The following MYO3A variants were observed in gnomAD, a reference collection of about 807,000 sequenced individuals.
The protein encoded by MYO3A is myosin-IIIa.
MYO3A carries 180 observed loss-of-function variants against 192.7 expected under a neutral mutation model. The ratio of observed to expected loss-of-function variants is 0.93; its 90% CI spans 0.83 to 1.06. The LOEUF (loss-of-function observed/expected upper bound fraction) is 1.06, where lower values mean the gene tolerates loss of function less well. Among genes scored for constraint, MYO3A ranks in the 50% least tolerant of loss-of-function variants. The pLI is 0.00. For missense variants in MYO3A, 1,896 were observed against 1,905.0 expected (o/e 1.00, Z 0.09); for synonymous variants, 628 against 645.3 (o/e 0.97, Z 0.41).
intron 31 of MYO3A, among the ~76,000 whole-genome samples, chr10:26,190,627 A>G (rs539850879): frequency 1.3e-5 from 2 of 152,350 alleles, no homozygotes; most frequent in African/African-American, 2.4e-5. Context: ...CTGGGAATAC[A>G]AAGAAAAATA....
chr10:26,047,792 AGAAAG>A (rs1031929932), intron 10 of MYO3A, among the ~76,000 whole-genome samples: 1 of 152,090 alleles, frequency 6.6e-6, no homozygotes, highest in Non-Finnish European at 1.5e-5. Context: ...AAATTAAAAA[AGAAAG>A]AAAAGACACA....
At chr10:26,050,911 C>A (rs866605777) in intron 10 of MYO3A, among the ~76,000 whole-genome samples, 2 of 152,136 alleles carry the variant, frequency 1.3e-5, no homozygotes. Flanking sequence ...TAGGATTGTG[C>A]CTGTTGTCCA....
Position 26,008,417 on chromosome 10 carries a change from A to C in MYO3A, c.509-8403A>C, listed in dbSNP as rs201153254. ...TTAAACTAAAGAGCTTCTGCACAGC[A>C]AAAGAAACTACCATCAGAGTGAACA... On this transcript the variant is annotated intron_variant, in intron 6 of 34. Transcript: ENST00000642920. Among the ~76,000 whole-genome samples the C allele has an allele frequency of 3.4e-3, 506 of 148,824 alleles. 14 individuals carry two copies. The East Asian group carries it at 0.09, about 27-fold the overall frequency.
At chr10:26,053,461 G>A (rs1371454720) in intron 10 of MYO3A, among the ~76,000 whole-genome samples, 1 of 152,114 alleles carries the variant, frequency 6.6e-6, no homozygotes. Context: ...CATACTTATT[G>A]GAAGACCCAG....
chr10:25,963,676 G>A (rs1189450049), intron 4 of MYO3A, among the ~76,000 whole-genome samples: 1 of 152,128 alleles, frequency 6.6e-6, no homozygotes, highest in Non-Finnish European at 1.5e-5. Flanking sequence ...TTCCTTTCAT[G>A]TTCTTAAGGC....
At chr10:25,942,216 G>A (rs1338370462) in intron 2 of MYO3A, among the ~76,000 whole-genome samples, 1 of 151,968 alleles carries the variant, frequency 6.6e-6, no homozygotes, top group African/African-American at 2.4e-5. Context: ...TGGCCAGGCC[G>A]GTCTTGAACT....
intron 6 of MYO3A, among the ~76,000 whole-genome samples, chr10:26,007,971 G>A (rs545731189): frequency 6.6e-6 from 1 of 151,784 alleles, no homozygotes; most frequent in Admixed American, 6.6e-5. Context: ...CACACTACCT[G>A]ACTTCAAACT....
chr10:26,065,200 T>A (rs1380760610), intron 10 of MYO3A, among the ~76,000 whole-genome samples: 1 of 152,166 alleles, frequency 6.6e-6, no homozygotes, highest in Middle Eastern at 3.2e-3. Flanking sequence ...AATGAGGACT[T>A]AAAATTGACC....
At chr10:26,176,571 C>T in intron 30 of MYO3A, 130 bp from the exon 31 acceptor site, 1 of 782,052 alleles carries the variant, frequency 1.3e-6, no homozygotes, top group Non-Finnish European at 2.1e-6. Flanking sequence ...GTGCAAGGGA[C>T]AGGGTGGGCC....
intron 17 of MYO3A, among the ~76,000 whole-genome samples, chr10:26,114,944 C>G (rs1467584711): frequency 6.6e-6 from 1 of 152,158 alleles, no homozygotes; most frequent in Admixed American, 6.5e-5. Context: ...AAAAAAAGAA[C>G]AGCATAAGCC....
In MYO3A at chr10:26,086,316, C is replaced by T. The variant is rs142057159; in HGVS notation, c.1360-1887C>T. 3.4e-3 allele frequency among the ~76,000 whole-genome samples: 523 copies of T among 152,150 alleles called. 2 individuals are homozygous for T. The highest frequency in any genetic ancestry group is 0.012 in the African/African-American group (496 of 41,494). On this transcript the variant is annotated intron_variant, in intron 14 of 34. Transcript: ENST00000642920. ...TCACAAGAACAGTGAGGGGGAAATC[C>T]GCCCCCATGATTTAATCACCTCTCA...
At chr10:26,206,759 T>G (rs1354943497) in intron 34 of MYO3A, among the ~76,000 whole-genome samples, 1 of 152,222 alleles carries the variant, frequency 6.6e-6, no homozygotes, top group East Asian at 1.9e-4. Context: ...TGATTTTAAT[T>G]TTTTAAGGAA....
intron 14 of MYO3A, among the ~76,000 whole-genome samples, chr10:26,074,521 G>A (rs1292511281): frequency 6.7e-6 from 1 of 149,998 alleles, no homozygotes; most frequent in East Asian, 1.9e-4. Context: ...GTCTGTTCAT[G>A]CACCAGTGTC....
At chr10:26,103,728 A>G (rs1837618448) in intron 17 of MYO3A, among the ~76,000 whole-genome samples, 1 of 152,188 alleles carries the variant, frequency 6.6e-6, no homozygotes, top group South Asian at 2.1e-4. Context: ...AATGCTGAAT[A>G]GGGTAACTCT....
At chr10:26,048,087 G>A (rs1482498732) in intron 10 of MYO3A, among the ~76,000 whole-genome samples, 1 of 152,096 alleles carries the variant, frequency 6.6e-6, no homozygotes, top group South Asian at 2.1e-4. Context: ...ACAGATAAGG[G>A]GGAGAAATAT....
intron 23 of MYO3A, among the ~76,000 whole-genome samples, chr10:26,152,765 T>G (rs1840869499): frequency 1.3e-5 from 2 of 152,208 alleles, no homozygotes; most frequent in African/African-American, 4.8e-5. Flanking sequence ...GTTTCACATT[T>G]TGAAAAGTGA....
chr10:26,080,067 G>C (rs188750922), intron 14 of MYO3A, among the ~76,000 whole-genome samples: 4 of 152,180 alleles, frequency 2.6e-5, no homozygotes, highest in African/African-American at 7.2e-5. Flanking sequence ...TGGATGTCTA[G>C]GTCTCTAGCA....
chr10:26,171,748 A>G (rs1449243509), intron 29 of MYO3A, among the ~76,000 whole-genome samples: 1 of 152,150 alleles, frequency 6.6e-6, no homozygotes, highest in African/African-American at 2.4e-5. Flanking sequence ...GATACCTGTG[A>G]CTTCTGTACT....
intron 4 of MYO3A, among the ~76,000 whole-genome samples, chr10:25,988,124 C>T (rs1839767514): frequency 6.6e-6 from 1 of 152,122 alleles, no homozygotes. Context: ...GAAAACCAAA[C>T]ATCATATATT....
Sources: allele counts gnomAD v4.1 joint callset (sites outside exome capture counted in the v4.1 genomes callset), GRCh38; gene constraint gnomAD v4.1.1; transcripts MANE v1.5; gene names NCBI Gene and HGNC (gene_info 2026-07-23, HGNC 2026-07-21).